SEZ6L2: variants seen among roughly 807,000 people sequenced by gnomAD.
SEZ6L2 encodes the protein seizure 6-like protein 2.
A neutral mutation model predicts 97.0 loss-of-function variants in SEZ6L2; 44 were observed. The observed-to-expected ratio is 0.45, with a 90% CI of 0.36 to 0.58. SEZ6L2 has a LOEUF of 0.58. SEZ6L2 is among the 20% of genes least tolerant of loss of function. The pLI is 0.00. For missense variants in SEZ6L2, 1,086 were observed against 1,233.3 expected (o/e 0.88, Z 1.79); for synonymous variants, 543 against 546.1 (o/e 0.99, Z 0.08).
chr16:29,894,313 T>G (rs1567426381), intron 5 of SEZ6L2, among the ~76,000 whole-genome samples: 3 of 152,150 alleles, frequency 2.0e-5, no homozygotes, highest in Non-Finnish European at 4.4e-5. Flanking sequence ...GCTAGGACAA[T>G]TCTATCTTCC....
At chr16:29,878,195 G>A (rs2067950469) in intron 10 of SEZ6L2, 92 bp downstream of exon 10, 1 of 1,416,678 alleles carries the variant, frequency 7.1e-7, no homozygotes, top group African/African-American at 1.4e-5. Context: ...ATACGCAAGA[G>A]CCAGACAGGC....
chr16:29,898,975 C>T lies in SEZ6L2; in HGVS notation c.45G>A (p.Leu15=), dbSNP rs574623238. Residue 15 remains leucine (L), a synonymous_variant, in exon 1 of 18, where the codon CTG becomes CTA. Transcript: ENST00000617533. ...RAQHPPPPQL[L]FLILLSCPWI... ...AGGGACAGCTCAGCAGAATTAGGAA[C>T]AGCAGCTGGGGAGGCGGCGGGTGCT... 6 of 1,612,414 alleles carry T rather than the reference C, an allele frequency of 3.7e-6. No individual in the cohort carries two copies. Among genetic ancestry groups the T allele is most frequent in the Non-Finnish European group, 5.1e-6 (6 of 1,179,720 alleles).
At chr16:29,884,610 A>AAAAT (rs1360216160) in intron 8 of SEZ6L2, among the ~76,000 whole-genome samples, 1 of 151,690 alleles carries the variant, frequency 6.6e-6, no homozygotes, top group Non-Finnish European at 1.5e-5. Context: ...TAAATAAATA[A>AAAAT]AAATAAATAA....
chr16:29,898,389 C>T (rs1056567319), intron 1 of SEZ6L2, among the ~76,000 whole-genome samples: 4 of 152,114 alleles, frequency 2.6e-5, no homozygotes, highest in African/African-American at 9.7e-5. Context: ...CTGGCTTTCT[C>T]TCTGGGTTTC....
Position 29,871,477 on chromosome 16 carries a change from C to T in SEZ6L2, c.*222G>A, listed in dbSNP as rs2067778432. 3 of 606,314 alleles carry T rather than the reference C, an allele frequency of 4.9e-6. No individual in the cohort carries two copies. The highest frequency in any genetic ancestry group is 8.9e-6 in the Non-Finnish European group (3 of 338,070). 37.6% of individuals were successfully genotyped at this position (606,314 alleles called of 1,614,324 possible). ...AAAAGCCGGTAGGGCGGGGGGCAGGCCCCTCGTTTGGCAACTGAGAAGAGG... is the reference window on the plus strand; with the variant it reads ...AAAAGCCGGTAGGGCGGGGGGCAGGTCCCTCGTTTGGCAACTGAGAAGAGG... On this transcript the variant is annotated 3_prime_UTR_variant, in exon 18 of 18. Transcript: ENST00000617533.
chr16:29,884,602 A>C (rs969134529), intron 8 of SEZ6L2, among the ~76,000 whole-genome samples: 3 of 151,824 alleles, frequency 2.0e-5, no homozygotes, highest in Non-Finnish European at 4.4e-5. Context: ...AAAATAAATA[A>C]ATAAATAAAA....
chr16:29,880,070 A>G lies in SEZ6L2; in HGVS notation c.1373-6T>C, dbSNP rs373941717. On this transcript the variant is annotated splice_polypyrimidine_tract_variant and splice_region_variant and intron_variant, in intron 8 of 17. Coordinates refer to ENST00000617533, the MANE Select transcript of SEZ6L2 (RefSeq NM_001243332.2). ...GCAGCGATCCTCCTCAAAGGCTGGG[A>G]AGGAGTCAGTCATAACAATTAAGCA... is the stretch of plus-strand genomic sequence containing the variant. 1 of 1,613,702 alleles carries G rather than the reference A, an allele frequency of 6.2e-7. No individual in the cohort carries two copies. The highest frequency in any genetic ancestry group is 1.1e-5 in the South Asian group (1 of 91,056).
In SEZ6L2 at chr16:29,876,593, G is replaced by T. The variant is rs1177983913; in HGVS notation, c.2104+163C>A. Among the ~76,000 whole-genome samples, 2 of 152,092 alleles carry T rather than the reference G, an allele frequency of 1.3e-5. No homozygotes were observed. The highest frequency in any genetic ancestry group is 2.9e-5 in the Non-Finnish European group (2 of 68,038). On this transcript the variant is annotated intron_variant, in intron 12 of 17. Transcript: ENST00000617533. This position sits in a 1 kb window ranked among gnomAD's most constrained non-coding sequence, Gnocchi z 6.5. ...CAGTTTCGGGGAACCGGGCGGAGGA[G>T]TGAGAACTAAAGGGCATGGGGGCAG...
At position 29,885,612 on chromosome 16, in the gene SEZ6L2, G is replaced by T. The variant is rs866834608; in HGVS notation, c.1346C>A (p.Pro449His). Residue 449 changes from proline (P) to histidine (H), a missense_variant, in exon 8 of 18, where the codon CCC becomes CAC. Transcript: ENST00000617533. Reference sequence around the variant, plus strand: ...TTCAAATCGAAGGCTTAACAGCAGGGGATTGGCAGGTGTCTCTGACAGCAG... The same window carrying T: ...TTCAAATCGAAGGCTTAACAGCAGGTGATTGGCAGGTGTCTCTGACAGCAG... ...VELLSETPAN[P>H]LLLSLRFEAF... The T allele has an allele frequency of 6.2e-7, 1 of 1,614,018 alleles. No individual in the cohort carries two copies. Among genetic ancestry groups the T allele is most frequent in the East Asian group, 2.2e-5 (1 of 44,874 alleles).
chr16:29,890,422 G>C (rs1258003568), intron 5 of SEZ6L2, among the ~76,000 whole-genome samples: 1 of 152,174 alleles, frequency 6.6e-6, no homozygotes, highest in Non-Finnish European at 1.5e-5. Flanking sequence ...ATGCCCAACA[G>C]AATCAAGTCT....
In SEZ6L2 at chr16:29,894,909, G is replaced by A. The variant is rs2068347378; in HGVS notation, c.853+350C>T. On this transcript the variant is annotated intron_variant, in intron 5 of 17. Coordinates refer to ENST00000617533, the MANE Select transcript of SEZ6L2 (RefSeq NM_001243332.2). ...ATGTCCCCTCTATAGGCCGGGCACA[G>A]TGGCTCTTGCCTGTAATCCCAGCAC... 1.3e-5 allele frequency among the ~76,000 whole-genome samples: 2 copies of A among 152,150 alleles called. 1 individual carries two copies. The highest frequency in any genetic ancestry group is 4.1e-4 in the South Asian group (2 of 4,826).
chr16:29,888,623 C>G lies in SEZ6L2; in HGVS notation c.956G>C (p.Gly319Ala). The change falls in exon 6 of 18, where the codon GGC (glycine) becomes GCC (alanine). Residue 319 changes from glycine (G) to alanine (A), a missense_variant. By Grantham distance (60) the Gly-to-Ala change is moderately conservative. Coordinates refer to ENST00000617533, the MANE Select transcript of SEZ6L2 (RefSeq NM_001243332.2). ...GGTATFHCDS[G>A]YQLQGEETLI... ...GGTCTCCTCTCCCTGCAGCTGGTAGCCCGAATCACAGTGAAAGGTGGCAGT... is the reference window on the plus strand; with the variant it reads ...GGTCTCCTCTCCCTGCAGCTGGTAGGCCGAATCACAGTGAAAGGTGGCAGT... The G allele has an allele frequency of 6.2e-7, 1 of 1,614,094 alleles. No homozygotes were observed. Among genetic ancestry groups the G allele is most frequent in the Non-Finnish European group, 8.5e-7 (1 of 1,179,994 alleles).
rs1253192531 is a variant in SEZ6L2 at position 29,872,509 on chromosome 16, G to A, written c.2545C>T (p.Pro849Ser). 1 of 1,614,184 alleles carries A rather than the reference G, an allele frequency of 6.2e-7. No individual in the cohort carries two copies. The highest frequency in any genetic ancestry group is 8.5e-7 in the Non-Finnish European group (1 of 1,180,038). ...RKLEVTQTTD[P>S]SRQLEGGNLA... ...TTCCCCCCTTCCAGCTGCCGTGATGGATCTGTGGTCTGGGTCACTACAGGA... is the reference window on the plus strand; with the variant it reads ...TTCCCCCCTTCCAGCTGCCGTGATGAATCTGTGGTCTGGGTCACTACAGGA... Residue 849 changes from proline (P) to serine (S), a missense_variant, in exon 16 of 18, where the codon CCA becomes TCA. By Grantham distance (74) the Pro-to-Ser change is moderately conservative. This residue lies in a region of SEZ6L2 where 310 missense variants were observed against 438.6 expected (regional missense o/e 0.71). Coordinates refer to ENST00000617533, the MANE Select transcript of SEZ6L2 (RefSeq NM_001243332.2).
chr16:29,898,227 AAC>A (rs2068449454), intron 1 of SEZ6L2, among the ~76,000 whole-genome samples: 1 of 151,834 alleles, frequency 6.6e-6, no homozygotes, highest in Non-Finnish European at 1.5e-5. Context: ...GCCTTCATTG[AAC>A]ACCTTAGCTC....
chr16:29,883,395 G>A (rs1406709249), intron 8 of SEZ6L2, among the ~76,000 whole-genome samples: 4 of 151,812 alleles, frequency 2.6e-5, no homozygotes, highest in Admixed American at 1.3e-4. Context: ...CAACCTCTGG[G>A]GTTCAAGTGG....
Position 29,874,561 on chromosome 16 carries a change from T to G in SEZ6L2, c.2105-832A>C, listed in dbSNP as rs1301043047. Among the ~76,000 whole-genome samples, 379 of 83,554 alleles carry G rather than the reference T, an allele frequency of 4.5e-3. 43 individuals carry two copies. The highest frequency in any genetic ancestry group is 0.018 in the African/African-American group (348 of 18,828). The allele number at this position is 83,554 out of a possible 152,430, so 54.8% of individuals were successfully genotyped here. ...TTGTGTGTGTGCTTGTTTTTTTTTT[T>G]TTTTTTTTTTTTTTTTTTTTTTTTT... On this transcript the variant is annotated intron_variant, in intron 12 of 17. Transcript: ENST00000617533.
At position 29,898,983 on chromosome 16, in the gene SEZ6L2, G is replaced by A; in HGVS notation, c.37C>T (p.Gln13Ter). 2 of 1,612,090 alleles carry A rather than the reference G, an allele frequency of 1.2e-6. No individual in the cohort carries two copies. Among genetic ancestry groups the A allele is most frequent in the Non-Finnish European group, 1.7e-6 (2 of 1,179,644 alleles). ...CTCAGCAGAATTAGGAACAGCAGCT[G>A]GGGAGGCGGCGGGTGCTGGGCCCTG... ...TPRAQHPPPP[Q>*]LLFLILLSCP... The change falls in exon 1 of 18, where the codon CAG (glutamine) becomes TAG (stop). Residue 13 changes from glutamine (Q) to a stop codon, truncating the protein, a stop_gained. Transcript: ENST00000617533. LOFTEE classifies it high-confidence loss of function.
At chr16:29,877,227 G>GCCTGCCCGACC (rs1447500310) in intron 11 of SEZ6L2, 44 bp downstream of exon 11, 1 of 1,493,512 alleles carries the variant, frequency 6.7e-7, no homozygotes, top group Non-Finnish European at 8.9e-7. Context: ...GGGATCTCTG[G>GCCTGCCCGACC]CCTGCCCGAC....
rs1197512752 is a variant in SEZ6L2, at chr16:29,897,885, A to G, written c.179T>C (p.Leu60Pro). ...ALAELLHGAL[L>P]RRGPEMGYLP... Reference sequence around the variant, plus strand: ...GTAGCCCATCTCTGGGCCCCTCCTCAGCAGGGCCCCATGAAGCAGTTCAGC... The same window carrying G: ...GTAGCCCATCTCTGGGCCCCTCCTCGGCAGGGCCCCATGAAGCAGTTCAGC... The change falls in exon 2 of 18, where the codon CTG becomes CCG. Residue 60 changes from leucine (L) to proline (P), a missense_variant. By Grantham distance (98) the Leu-to-Pro change is moderately conservative. Transcript: ENST00000617533. The G allele has an allele frequency of 6.2e-7, 1 of 1,612,858 alleles. No individual in the cohort carries two copies.
Sources: allele counts gnomAD v4.1 joint callset (sites outside exome capture counted in the v4.1 genomes callset), GRCh38; gene constraint gnomAD v4.1.1; regional missense constraint gnomAD v4.1.1; non-coding constraint Gnocchi (gnomAD v3.1); transcripts MANE v1.5; gene names NCBI Gene and HGNC (gene_info 2026-07-23, HGNC 2026-07-21).